Variants in ABLIM1 observed in about 807,000 individuals in gnomAD.
ABLIM1 encodes actin-binding LIM protein 1.
ABLIM1 carries 40 observed loss-of-function variants against 107.0 expected under a neutral mutation model. The ratio of observed to expected loss-of-function variants is 0.37; its 90% CI spans 0.29 to 0.49. ABLIM1 has a LOEUF of 0.49. Among genes scored for constraint, ABLIM1 ranks in the 20% least tolerant of loss-of-function variants. The probability of loss-of-function intolerance (pLI) is 0.97; values close to 1 mark genes in which losing one functional copy is unlikely to be tolerated. For synonymous variants in ABLIM1, 357 were observed against 357.3 expected (o/e 1.00, Z 0.01); for missense variants, 857 against 1,008.5 (o/e 0.85, Z 2.04).
intron 1 of ABLIM1, among the ~76,000 whole-genome samples, chr10:114,630,421 A>G (rs2078099021): frequency 6.6e-6 from 1 of 152,134 alleles, no homozygotes; most frequent in Non-Finnish European, 1.5e-5. Context: ...TATTAGAAGC[A>G]CCTTTATTCA....
chr10:114,573,544 T>TA (rs773734841), intron 3 of ABLIM1, among the ~76,000 whole-genome samples: 1 of 152,212 alleles, frequency 6.6e-6, no homozygotes, highest in East Asian at 1.9e-4. Flanking sequence ...GAAGGGCTCT[T>TA]AGAGTTTACT....
At chr10:114,575,186 A>T (rs1202390076) in intron 3 of ABLIM1, among the ~76,000 whole-genome samples, 1 of 152,218 alleles carries the variant, frequency 6.6e-6, no homozygotes, top group Non-Finnish European at 1.5e-5. Context: ...TTTCAGAATT[A>T]GTTTCAATCT....
At position 114,545,214 on chromosome 10, in the gene ABLIM1, C is replaced by A. The variant is rs2067166467; in HGVS notation, c.801-116G>T. ...AAGGGCAGGACATATTTCTCCCCTG[C>A]CCAGTGTTCACATGCCTGGCAATCC... is the stretch of plus-strand genomic sequence containing the variant. On this transcript the variant is annotated intron_variant, in intron 5 of 22. Coordinates refer to ENST00000533213, the MANE Select transcript of ABLIM1 (RefSeq NM_002313.7). 6 of 882,246 alleles carry A rather than the reference C, an allele frequency of 6.8e-6. No homozygotes were observed. In the Admixed American group the frequency reaches 7.8e-5, roughly 12 times the overall value. The allele number at this position is 882,246 out of a possible 1,614,324, so 54.7% of individuals were successfully genotyped here.
rs113853714 is a variant in ABLIM1 at position 114,493,080 on chromosome 10, T to C, written c.895-1202A>G. On this transcript the variant is annotated intron_variant, in intron 6 of 22. Transcript: ENST00000533213. ...TATTTATTTGTAAAATTTTTTACTT[T>C]TCTGCAGAAGGAAGGGTAGGGCTGG... 6.8e-3 allele frequency among the ~76,000 whole-genome samples: 1,033 copies of C among 152,350 alleles called. 13 individuals carry two copies. Among genetic ancestry groups the C allele is most frequent in the African/African-American group, 0.024 (987 of 41,582 alleles).
intron 1 of ABLIM1, among the ~76,000 whole-genome samples, chr10:114,750,440 A>C (rs1023230955): frequency 6.6e-6 from 1 of 152,246 alleles, no homozygotes; most frequent in African/African-American, 2.4e-5. Flanking sequence ...ACTAGGAAAT[A>C]GATTTGATAA....
intron 4 of ABLIM1, among the ~76,000 whole-genome samples, chr10:114,564,747 G>T (rs954667599): frequency 3.3e-5 from 5 of 152,126 alleles, no homozygotes; most frequent in Admixed American, 2.0e-4. Flanking sequence ...GAACAGGTAG[G>T]ACCAGGATTC....
chr10:114,723,844 C>A (rs899596373), intron 1 of ABLIM1, among the ~76,000 whole-genome samples: 1 of 152,150 alleles, frequency 6.6e-6, no homozygotes, highest in Non-Finnish European at 1.5e-5. Flanking sequence ...GGTAGAGATT[C>A]AATTATCTTT....
At chr10:114,559,904 G>A (rs1420359103) in intron 4 of ABLIM1, among the ~76,000 whole-genome samples, 2 of 152,222 alleles carry the variant, frequency 1.3e-5, no homozygotes, top group African/African-American at 2.4e-5. Flanking sequence ...AAGAAAAGCA[G>A]TAGAGAAAGG....
At chr10:114,683,545 G>A (rs879720879) in intron 1 of ABLIM1, among the ~76,000 whole-genome samples, 2 of 152,130 alleles carry the variant, frequency 1.3e-5, no homozygotes, top group East Asian at 1.9e-4. Context: ...CAAGCTCACC[G>A]GAGGTCCTGC....
intron 1 of ABLIM1, among the ~76,000 whole-genome samples, chr10:114,654,750 GGATGGGGA>G (rs2079418034): frequency 6.6e-5 from 10 of 152,336 alleles, no homozygotes; most frequent in Admixed American, 2.0e-4. Flanking sequence ...AGTGCTGTCT[GGATGGGGA>G]ATCTGAGCCT....
At chr10:114,712,651 C>A (rs2081578305) in intron 1 of ABLIM1, among the ~76,000 whole-genome samples, 1 of 152,102 alleles carries the variant, frequency 6.6e-6, no homozygotes, top group Admixed American at 6.6e-5. Context: ...GACATGCCTG[C>A]TAAGTGGATG....
At chr10:114,546,101 G>A (rs1229608355) in intron 5 of ABLIM1, among the ~76,000 whole-genome samples, 1 of 151,934 alleles carries the variant, frequency 6.6e-6, no homozygotes, top group Non-Finnish European at 1.5e-5. Context: ...GCCTCCTTCA[G>A]CTCAGTCAAC....
chr10:114,682,673 CGG>C (rs2080796576), intron 1 of ABLIM1, among the ~76,000 whole-genome samples: 1 of 152,094 alleles, frequency 6.6e-6, no homozygotes, highest in Admixed American at 6.5e-5. Flanking sequence ...TCTAGAGATA[CGG>C]TTTCTGTAGA....
intron 1 of ABLIM1, among the ~76,000 whole-genome samples, chr10:114,618,495 A>G (rs2077268916): frequency 6.6e-6 from 1 of 152,172 alleles, no homozygotes. Flanking sequence ...ACAGGTTAGG[A>G]GCTTGGCTCT....
chr10:114,632,158 G>A, intron 1 of ABLIM1: 3 of 985,330 alleles, frequency 3.0e-6, no homozygotes, highest in Middle Eastern at 5.2e-4. Context: ...AGCTGCAGCC[G>A]CGCCCAGCTC....
At chr10:114,682,177 T>C (rs2080778177) in intron 1 of ABLIM1, among the ~76,000 whole-genome samples, 3 of 152,228 alleles carry the variant, frequency 2.0e-5, no homozygotes, top group Admixed American at 2.0e-4. Flanking sequence ...AACGGCTGAC[T>C]ATCTCAAAGT....
chr10:114,431,282 C>A lies in ABLIM1; in HGVS notation c.*4978G>T, dbSNP rs1322098131. On this transcript the variant is annotated 3_prime_UTR_variant, in exon 23 of 23. Transcript: ENST00000533213. Reference sequence around the variant, plus strand: ...GGCCACCTCCTCCTCTACACACAAGCATGTGGCACTTAGCGCGCCAACACA... The same window carrying A: ...GGCCACCTCCTCCTCTACACACAAGAATGTGGCACTTAGCGCGCCAACACA... 1 of 152,386 alleles carries A rather than the reference C, an allele frequency of 6.6e-6. No individual in the cohort carries two copies. Among genetic ancestry groups the A allele is most frequent in the East Asian group, 1.9e-4 (1 of 5,188 alleles). 9.4% of individuals were successfully genotyped at this position (152,386 alleles called of 1,614,324 possible). A position where few individuals can be genotyped will look rare whatever the true frequency, so the allele number is the denominator to read the frequency against.
At position 114,431,121 on chromosome 10, in the gene ABLIM1, AG is replaced by A. The variant is rs1195696738; in HGVS notation, c.*5138del. On this transcript the variant is annotated 3_prime_UTR_variant, in exon 23 of 23. Coordinates refer to ENST00000533213, the MANE Select transcript of ABLIM1 (RefSeq NM_002313.7). ...CAGGTATGGAGGCATCTACGAATAA[AG>A]CACACAACTTTATTCACGAAGTTGT... 3 of 152,258 alleles carry A rather than the reference AG, an allele frequency of 2.0e-5. No individual in the cohort carries two copies. Among genetic ancestry groups the A allele is most frequent in the Non-Finnish European group, 4.4e-5 (3 of 68,042 alleles). 9.4% of individuals were successfully genotyped at this position (152,258 alleles called of 1,614,324 possible). A position where few individuals can be genotyped will look rare whatever the true frequency, so the allele number is the denominator to read the frequency against.
At chr10:114,537,647 T>G (rs910344907) in intron 6 of ABLIM1, among the ~76,000 whole-genome samples, 1 of 152,228 alleles carries the variant, frequency 6.6e-6, no homozygotes, top group African/African-American at 2.4e-5. Flanking sequence ...TAAATGTTTA[T>G]GAGATCACTT....
Sources: allele counts gnomAD v4.1 joint callset (sites outside exome capture counted in the v4.1 genomes callset), GRCh38; gene constraint gnomAD v4.1.1; transcripts MANE v1.5; gene names NCBI Gene and HGNC (gene_info 2026-07-23, HGNC 2026-07-21).